Variants in CSNK1A1 observed in about 807,000 individuals in gnomAD.
The protein encoded by CSNK1A1 is casein kinase 1 alpha 1.
CSNK1A1 carries 7 observed loss-of-function variants against 46.1 expected under a neutral mutation model. That is an observed-to-expected ratio of 0.15 (90% CI 0.09 to 0.29). The LOEUF is 0.29. Ranked by LOEUF, CSNK1A1 falls within the 10% of genes least tolerant of loss-of-function variation. The pLI is 1.00. For missense variants in CSNK1A1, 96 were observed against 417.1 expected (o/e 0.23, Z 6.71); for synonymous variants, 137 against 141.5 (o/e 0.97, Z 0.23).
chr5:149,528,292 A>G (rs1378933104), intron 2 of CSNK1A1, among the ~76,000 whole-genome samples: 1 of 152,196 alleles, frequency 6.6e-6, no homozygotes, highest in East Asian at 1.9e-4. Flanking sequence ...TCTCAAAGGC[A>G]TTTTACCTTG....
intron 9 of CSNK1A1, chr5:149,498,036 G>T (rs1374594791): frequency 5.6e-5 from 45 of 797,500 alleles, no homozygotes; most frequent in Non-Finnish European, 6.7e-5. Flanking sequence ...GTTTCACTGT[G>T]TTGGCCAGGC....
rs1016062653 is a variant in CSNK1A1, at chr5:149,493,065, T to C, written c.*3788A>G. ...AAGTGGCTCCTGTGCCCTTTTGACA[T>C]GTATCCACCTTTTTGTTGTTGTTGA... On this transcript the variant is annotated 3_prime_UTR_variant, in exon 10 of 10. Coordinates refer to ENST00000377843, the MANE Select transcript of CSNK1A1 (RefSeq NM_001892.6). 6.6e-6 allele frequency: 1 copy of C among 152,244 alleles called. No homozygotes were observed. The highest frequency in any genetic ancestry group is 2.4e-5 in the African/African-American group (1 of 41,464). 9.4% of individuals were successfully genotyped at this position (152,244 alleles called of 1,614,324 possible). A position where few individuals can be genotyped will look rare whatever the true frequency, so the allele number is the denominator to read the frequency against.
chr5:149,513,039 T>C, intron 5 of CSNK1A1, 31 bp downstream of exon 5: 1 of 1,611,332 alleles, frequency 6.2e-7, no homozygotes, highest in Non-Finnish European at 8.5e-7. Context: ...CTGCTATGGC[T>C]ATGATAAGCA....
chr5:149,518,050 T>C (rs1186628429), intron 4 of CSNK1A1, among the ~76,000 whole-genome samples: 1 of 152,184 alleles, frequency 6.6e-6, no homozygotes. Context: ...AATCACATGC[T>C]CAAGAACATT....
intron 9 of CSNK1A1, chr5:149,498,560 T>C (rs182567126): frequency 5.6e-4 from 553 of 985,106 alleles, no homozygotes; most frequent in Non-Finnish European, 6.1e-4. Flanking sequence ...GGATAAGCTA[T>C]GCAGGTTAAG....
intron 3 of CSNK1A1, among the ~76,000 whole-genome samples, chr5:149,522,797 C>A (rs1554116196): frequency 6.6e-6 from 1 of 152,170 alleles, no homozygotes; most frequent in Non-Finnish European, 1.5e-5. Flanking sequence ...GAGACTTCTA[C>A]AACTCTACAA....
chr5:149,503,581 T>C (rs1760938876), intron 9 of CSNK1A1: 1 of 984,666 alleles, frequency 1.0e-6, no homozygotes, highest in Admixed American at 6.1e-5. Context: ...TTTTAAAAGA[T>C]TTTAAGTTGC....
At chr5:149,530,827 A>G (rs939549868) in intron 2 of CSNK1A1, among the ~76,000 whole-genome samples, 1 of 151,948 alleles carries the variant, frequency 6.6e-6, no homozygotes, top group Non-Finnish European at 1.5e-5. Context: ...TTAGCTGGGC[A>G]TGGTGGTGGG....
intron 2 of CSNK1A1, among the ~76,000 whole-genome samples, chr5:149,531,536 A>G (rs1761897437): frequency 4.0e-5 from 6 of 151,106 alleles, no homozygotes; most frequent in Admixed American, 4.0e-4. Context: ...AAAGAAAGAA[A>G]GAAAAGAAAA....
chr5:149,524,969 A>C, intron 3 of CSNK1A1, 76 bp downstream of exon 3: 1 of 1,335,392 alleles, frequency 7.5e-7, no homozygotes, highest in Non-Finnish European at 1.0e-6. Flanking sequence ...GGATTTTAAT[A>C]CTCTGATTTA....
chr5:149,545,418 T>C (rs1008622401), intron 2 of CSNK1A1: 6 of 526,592 alleles, frequency 1.1e-5, no homozygotes, highest in South Asian at 2.5e-5. Flanking sequence ...TGAGAGCCTT[T>C]GGGAGGAGCC....
chr5:149,503,054 C>T, intron 9 of CSNK1A1: 1 of 984,942 alleles, frequency 1.0e-6, no homozygotes, highest in African/African-American at 1.7e-5. Flanking sequence ...GCGTGAGCCA[C>T]TGCACCCAGC....
chr5:149,533,828 G>A (rs143247197), intron 2 of CSNK1A1, among the ~76,000 whole-genome samples: 151 of 152,256 alleles, frequency 9.9e-4, no homozygotes, highest in African/African-American at 3.5e-3. Flanking sequence ...ATTGGGAAGT[G>A]GAAAATGTAC....
At chr5:149,531,577 G>C (rs1168389869) in intron 2 of CSNK1A1, among the ~76,000 whole-genome samples, 1 of 151,736 alleles carries the variant, frequency 6.6e-6, no homozygotes, top group East Asian at 1.9e-4. Context: ...GCCAGGTGCA[G>C]TGGCTCAAGC....
intron 7 of CSNK1A1, 95 bp from the exon 8 acceptor site, chr5:149,507,228 G>T: frequency 1.1e-6 from 1 of 934,608 alleles, no homozygotes; most frequent in South Asian, 1.8e-5. Context: ...ATTTTTGGGC[G>T]GGATATTTTA....
chr5:149,535,143 G>C (rs1221978406), intron 2 of CSNK1A1, among the ~76,000 whole-genome samples: 4 of 152,010 alleles, frequency 2.6e-5, no homozygotes. Context: ...CTACTTCTTG[G>C]ATACACATTA....
At chr5:149,504,349 T>C (rs1760962727) in intron 9 of CSNK1A1, 1 of 977,768 alleles carries the variant, frequency 1.0e-6, no homozygotes. Flanking sequence ...TTAGAATCTA[T>C]TTTTAAATTA....
At chr5:149,514,745 C>G (rs1346204120) in intron 4 of CSNK1A1, among the ~76,000 whole-genome samples, 1 of 152,194 alleles carries the variant, frequency 6.6e-6, no homozygotes, top group Non-Finnish European at 1.5e-5. Flanking sequence ...GCATTATAAC[C>G]TATTCTCAAT....
At position 149,550,192 on chromosome 5, in the gene CSNK1A1, AAG is replaced by A. The variant is rs1762611198; in HGVS notation, c.124-13_124-12del. The stretch of plus-strand genomic sequence containing the variant: ...CTTCACTGCCACTTCCTGCAGGGGA[AAG>A]AGGGGATGATGGCATCAACATCCCT... On this transcript the variant is annotated splice_polypyrimidine_tract_variant and intron_variant, in intron 1 of 9. Transcript: ENST00000377843. This position sits in a 1 kb window ranked among gnomAD's most constrained non-coding sequence, Gnocchi z 4.3. 1.2e-6 allele frequency: 2 copies of A among 1,612,926 alleles called. No individual in the cohort carries two copies. The highest frequency in any genetic ancestry group is 2.2e-5 in the East Asian group (1 of 44,794).
Sources: gnomAD v4.1 joint callset for allele counts (sites outside exome capture counted in the v4.1 genomes callset) on GRCh38, gnomAD v4.1.1 for gene constraint, Gnocchi (gnomAD v3.1) non-coding constraint, MANE v1.5 for transcripts, NCBI Gene and HGNC (gene_info 2026-07-23, HGNC 2026-07-21) for gene names.